MROH2A: variants seen among roughly 807,000 people sequenced by gnomAD.
The protein encoded by MROH2A is maestro heat like repeat family member 2A, also known as maestro heat-like repeat-containing protein family member 2A.
In MROH2A, 174 loss-of-function variants were observed where a neutral mutation model predicts 200.4. The ratio of observed to expected loss-of-function variants is 0.87; its 90% CI spans 0.77 to 0.98. MROH2A has a LOEUF of 0.98. Ranked by LOEUF, MROH2A falls within the 50% of genes least tolerant of loss-of-function variation. MROH2A has a pLI of 0.00. For missense variants in MROH2A, 2,045 were observed against 2,139.6 expected, an observed-to-expected ratio of 0.96 and a Z score of 0.87; for synonymous variants, 829 against 840.4, an observed-to-expected ratio of 0.99 and a Z score of 0.23.
In MROH2A at chr2:233,795,632, C is replaced by A. The variant is rs117382176; in HGVS notation, c.967-21C>A. ...TGAGTTGGTAGAAGGTCACCTGCCACCATTTGCCAATCCACTGCAGGTCTT... is the reference window on the plus strand; with the variant it reads ...TGAGTTGGTAGAAGGTCACCTGCCAACATTTGCCAATCCACTGCAGGTCTT... On this transcript the variant is annotated intron_variant, in intron 8 of 41. Coordinates refer to ENST00000389758, the MANE Select transcript of MROH2A (RefSeq NM_001394639.1). 1.4e-5 allele frequency: 21 copies of A among 1,550,896 alleles called. No homozygotes were observed. The East Asian group carries it at 4.2e-4, about 31-fold the overall frequency.
intron 18 of MROH2A, 71 bp from the exon 19 acceptor site, chr2:233,804,933 T>C (rs1461613313): frequency 1.1e-5 from 9 of 856,592 alleles, no homozygotes; most frequent in Non-Finnish European, 1.7e-5. Context: ...TCCCGTAGCA[T>C]TCCCAGAGCC....
In MROH2A at chr2:233,789,933, G is replaced by C; in HGVS notation, c.490G>C (p.Glu164Gln). Residue 164 changes from glutamate (E) to glutamine (Q), a missense_variant, in exon 5 of 42, where the codon GAG becomes CAG. Glu to Gln is a conservative substitution (Grantham distance 29). Around this residue, in one of 3 missense-constraint regions of MROH2A, gnomAD observed 831 missense variants for 800.0 expected, o/e 1.04. Transcript: ENST00000389758. ...SRNHFSLVMY[E>Q]LQHHLKPLNL... ...AAACCACTTCAGCTTGGTCATGTACGAGCTGCAGCACCACCTCAAGCCCCT... is the reference window on the plus strand; with the variant it reads ...AAACCACTTCAGCTTGGTCATGTACCAGCTGCAGCACCACCTCAAGCCCCT... 6.4e-7 allele frequency: 1 copy of C among 1,550,476 alleles called. No homozygotes were observed. The highest frequency in any genetic ancestry group is 8.7e-7 in the Non-Finnish European group (1 of 1,146,954).
chr2:233,806,790 TTA>T (rs1702819050), intron 19 of MROH2A, among the ~76,000 whole-genome samples: 1 of 152,198 alleles, frequency 6.6e-6, no homozygotes, highest in Non-Finnish European at 1.5e-5. Flanking sequence ...CTTATTTTAT[TTA>T]TTTTTTTGAA....
At position 233,792,886 on chromosome 2, in the gene MROH2A, T is replaced by A; in HGVS notation, c.662T>A (p.Ile221Asn). ...LANEAKIRQA[I>N]CSAMETFCET... ...AATGAAGCCAAGATACGCCAGGCGA[T>A]CTGCAGTGGTGAGTGTCCCACTTGA... is the stretch of plus-strand genomic sequence containing the variant. The change falls in exon 6 of 42, where the codon ATC (isoleucine) becomes AAC (asparagine). Residue 221 changes from isoleucine (I) to asparagine (N), a missense_variant. Coordinates refer to ENST00000389758, the MANE Select transcript of MROH2A (RefSeq NM_001394639.1). 2.6e-6 allele frequency: 4 copies of A among 1,550,530 alleles called. No individual in the cohort carries two copies. Among genetic ancestry groups the A allele is most frequent in the Non-Finnish European group, 3.5e-6 (4 of 1,146,994 alleles).
chr2:233,832,080 T>C, intron 39 of MROH2A, 97 bp from the exon 40 acceptor site: 1 of 1,012,962 alleles, frequency 9.9e-7, no homozygotes, highest in Non-Finnish European at 1.5e-6. Flanking sequence ...GCTTGCCCTC[T>C]CTGATGCATC....
At chr2:233,806,303 T>C (rs932625292) in intron 19 of MROH2A, among the ~76,000 whole-genome samples, 1 of 152,158 alleles carries the variant, frequency 6.6e-6, no homozygotes, top group Non-Finnish European at 1.5e-5. Flanking sequence ...GTAAATTTTA[T>C]AGATATTAAC....
At chr2:233,818,206 C>T (rs1433349591) in intron 28 of MROH2A, 81 bp downstream of exon 28, 3 of 1,501,736 alleles carry the variant, frequency 2.0e-6, no homozygotes, top group East Asian at 4.9e-5. Context: ...TGCGGCCTGC[C>T]CTGGAGGGAA....
intron 2 of MROH2A, 60 bp from the exon 3 acceptor site, chr2:233,779,611 A>G: frequency 6.6e-7 from 1 of 1,520,166 alleles, no homozygotes; most frequent in Non-Finnish European, 8.9e-7. Context: ...CCAGGGACAC[A>G]AGGGCACCTC....
At chr2:233,778,200 G>C (rs1344598934), upstream of MROH2A, 1 of 153,280 alleles carries the variant, frequency 6.5e-6, no homozygotes, top group Admixed American at 6.5e-5. Flanking sequence ...TTTCACCCCA[G>C]AGCCCTGTGC....
At chr2:233,801,511 G>C (rs969262657) in intron 14 of MROH2A, among the ~76,000 whole-genome samples, 9 of 152,180 alleles carry the variant, frequency 5.9e-5, no homozygotes, top group African/African-American at 1.9e-4. Flanking sequence ...ATGCAGTTGT[G>C]GGGGCTGGCA....
In MROH2A at chr2:233,799,712, A is replaced by G. The variant is rs1295369553; in HGVS notation, c.1330-68A>G. 2.1e-5 allele frequency: 32 copies of G among 1,540,304 alleles called. No homozygotes were observed. The Admixed American group carries it at 4.2e-4, about 20-fold the overall frequency. On this transcript the variant is annotated intron_variant, in intron 12 of 41. Transcript: ENST00000389758. ...GAGCACCCCCAATTCCTAGCTCTCTATGTCACAGGATTGGGTGCCTTGGAG... is the reference window on the plus strand; with the variant it reads ...GAGCACCCCCAATTCCTAGCTCTCTGTGTCACAGGATTGGGTGCCTTGGAG...
At chr2:233,789,751 C>T (rs751222369) in intron 4 of MROH2A, 101 bp from the exon 5 acceptor site, 30 of 1,477,310 alleles carry the variant, frequency 2.0e-5, no homozygotes, top group Non-Finnish European at 2.7e-5. Context: ...TAAGGCTGAG[C>T]CCAAGGGAAC....
intron 23 of MROH2A, 95 bp downstream of exon 23, chr2:233,811,011 A>G (rs958120046): frequency 3.7e-5 from 52 of 1,398,542 alleles, no homozygotes; most frequent in Non-Finnish European, 5.0e-5. Context: ...GGGCATCTGC[A>G]GAGCTCTCTG....
intron 5 of MROH2A, among the ~76,000 whole-genome samples, chr2:233,791,742 G>A (rs1255882982): frequency 6.6e-6 from 1 of 152,120 alleles, no homozygotes; most frequent in African/African-American, 2.4e-5. Context: ...AGGGGTGCAG[G>A]CCCCCGTGAT....
intron 3 of MROH2A, among the ~76,000 whole-genome samples, chr2:233,786,936 G>T (rs1701234780): frequency 6.6e-6 from 1 of 152,164 alleles, no homozygotes; most frequent in Non-Finnish European, 1.5e-5. Flanking sequence ...GCCATGAACA[G>T]GAATCATTTT....
In MROH2A at chr2:233,789,871, C is replaced by T; in HGVS notation, c.428C>T (p.Ala143Val). The T allele has an allele frequency of 6.5e-7, 1 of 1,550,010 alleles. No homozygotes were observed. Among genetic ancestry groups the T allele is most frequent in the South Asian group, 1.2e-5 (1 of 84,006 alleles). The change falls in exon 5 of 42, where the codon GCA becomes GTA. Residue 143 changes from alanine to valine, a missense_variant. Around this residue, in one of 3 missense-constraint regions of MROH2A, gnomAD observed 831 missense variants for 800.0 expected, o/e 1.04. Transcript: ENST00000389758. ...CTGCAGATGGAGGGCTATATGAAGG[C>T]AGAGGTGGCCAGCGACACACTGGTG... ...EIPEMEGYMK[A>V]EVASDTLVAL...
intron 14 of MROH2A, among the ~76,000 whole-genome samples, chr2:233,801,272 C>T (rs1246083797): frequency 1.3e-5 from 2 of 148,806 alleles, no homozygotes; most frequent in Non-Finnish European, 3.0e-5. Context: ...TAAGCCATTG[C>T]ACTTGATGGT....
Position 233,799,907 on chromosome 2 carries a change from G to A in MROH2A, c.1449+8G>A, listed in dbSNP as rs1341106750. Reference sequence around the variant, plus strand: ...TTATCCACCTACAAACTGGTGAGTGGCCCTGATACGCAGACCGCAGAGCAG... The same window carrying A: ...TTATCCACCTACAAACTGGTGAGTGACCCTGATACGCAGACCGCAGAGCAG... On this transcript the variant is annotated splice_region_variant and intron_variant, in intron 13 of 41. Coordinates refer to ENST00000389758, the MANE Select transcript of MROH2A (RefSeq NM_001394639.1). 1.9e-6 allele frequency: 3 copies of A among 1,550,448 alleles called. No individual in the cohort carries two copies. The highest frequency in any genetic ancestry group is 1.7e-4 in the Middle Eastern group (1 of 5,992).
In MROH2A at chr2:233,818,028, C is replaced by A; in HGVS notation, c.2988C>A (p.Gly996=). ...TCCACCTAAAGCTGGGGCAGTTTGG[C>A]ACAATGGTCGGACTCATTGCCCCGT... ...VCIHLKLGQF[G]TMVGLIAPCT... The change falls in exon 28 of 42, where the codon GGC becomes GGA. Residue 996 remains glycine (G), a synonymous_variant. Transcript: ENST00000389758. 1 of 1,551,002 alleles carries A rather than the reference C, an allele frequency of 6.4e-7. No homozygotes were observed. Among genetic ancestry groups the A allele is most frequent in the Non-Finnish European group, 8.7e-7 (1 of 1,147,088 alleles).
Sources: gnomAD v4.1 joint callset for allele counts (sites outside exome capture counted in the v4.1 genomes callset) on GRCh38, gnomAD v4.1.1 for gene constraint, gnomAD v4.1.1 regional missense constraint, MANE v1.5 for transcripts, NCBI Gene and HGNC (gene_info 2026-07-23, HGNC 2026-07-21) for gene names.